RIMS2: variants seen among roughly 807,000 people sequenced by gnomAD.
The protein encoded by RIMS2 is regulating synaptic membrane exocytosis protein 2.
A neutral mutation model predicts 174.4 loss-of-function variants in RIMS2; 59 were observed. The observed-to-expected ratio is 0.34, with a 90% CI of 0.27 to 0.42. The LOEUF is 0.42. Among genes scored for constraint, RIMS2 ranks in the 10% least tolerant of loss-of-function variants. RIMS2 has a pLI of 1.00. For missense variants in RIMS2, 1,620 were observed against 1,666.3 expected (o/e 0.97, Z 0.48); for synonymous variants, 606 against 572.5 (o/e 1.06, Z -0.84).
chr8:103,778,073 A>T (rs2098338156), intron 3 of RIMS2, among the ~76,000 whole-genome samples: 1 of 152,006 alleles, frequency 6.6e-6, no homozygotes, highest in Non-Finnish European at 1.5e-5. Flanking sequence ...TTTTCTTCAT[A>T]GGTTAGAAGT....
rs538667017 is a variant in RIMS2, at chr8:103,615,642, A to G, written c.177-81444A>G. Among the ~76,000 whole-genome samples, 24 of 152,158 alleles carry G rather than the reference A, an allele frequency of 1.6e-4. 2 individuals are homozygous for G. The South Asian group carries it at 5.0e-3, about 32-fold the overall frequency. On this transcript the variant is annotated intron_variant, in intron 1 of 23. Transcript: ENST00000504942. ...ATAGGCCACTAGCTAGACTAATAAG[A>G]AAAGAGAGAACATCCAAATAAACAC...
intron 3 of RIMS2, among the ~76,000 whole-genome samples, chr8:103,876,791 A>G (rs2099139438): frequency 6.9e-6 from 1 of 144,906 alleles, no homozygotes; most frequent in South Asian, 2.2e-4. Flanking sequence ...TTTGTGGCTG[A>G]GTAGTATTCC....
intron 19 of RIMS2, among the ~76,000 whole-genome samples, chr8:104,218,872 T>A (rs1453776718): frequency 6.6e-6 from 1 of 152,182 alleles, no homozygotes; most frequent in Non-Finnish European, 1.5e-5. Flanking sequence ...GCTTACATCA[T>A]TTGTAGCATA....
chr8:103,593,721 G>T (rs1239576583), intron 1 of RIMS2, among the ~76,000 whole-genome samples: 1 of 151,142 alleles, frequency 6.6e-6, no homozygotes, highest in Admixed American at 6.6e-5. Context: ...AATCTTTTGA[G>T]AAATGTGATT....
At chr8:103,550,264 C>A (rs1847124184) in intron 1 of RIMS2, among the ~76,000 whole-genome samples, 1 of 152,180 alleles carries the variant, frequency 6.6e-6, no homozygotes, top group South Asian at 2.1e-4. Context: ...GTCTCTCAGA[C>A]CACAGTGCAA....
intron 1 of RIMS2, among the ~76,000 whole-genome samples, chr8:103,560,376 T>TA (rs2091393854): frequency 6.6e-6 from 1 of 151,812 alleles, no homozygotes; most frequent in Non-Finnish European, 1.5e-5. Context: ...AAACTCTGTC[T>TA]AAAAAAAGAA....
intron 1 of RIMS2, among the ~76,000 whole-genome samples, chr8:103,516,971 TTTTGA>T (rs1401281127): frequency 6.6e-6 from 1 of 152,180 alleles, no homozygotes; most frequent in African/African-American, 2.4e-5. Flanking sequence ...TAATGATTGT[TTTTGA>T]TTTAAGTATT....
intron 3 of RIMS2, among the ~76,000 whole-genome samples, chr8:103,839,850 T>C (rs934537491): frequency 6.6e-6 from 1 of 152,222 alleles, no homozygotes; most frequent in African/African-American, 2.4e-5. Flanking sequence ...TCTATGAATA[T>C]GTAGCGCAAA....
intron 19 of RIMS2, among the ~76,000 whole-genome samples, chr8:104,138,225 G>A (rs2098537456): frequency 6.6e-6 from 1 of 151,968 alleles, no homozygotes; most frequent in African/African-American, 2.4e-5. Context: ...TCCAAATCTT[G>A]GCTGTCATGA....
At chr8:103,783,398 C>T (rs1312440439) in intron 3 of RIMS2, among the ~76,000 whole-genome samples, 9 of 150,366 alleles carry the variant, frequency 6.0e-5, no homozygotes, top group Non-Finnish European at 1.0e-4. Context: ...TTAGGTATAT[C>T]TCCCAATGCT....
At chr8:103,866,392 T>A (rs1047257598) in intron 3 of RIMS2, among the ~76,000 whole-genome samples, 20 of 152,164 alleles carry the variant, frequency 1.3e-4, no homozygotes, top group Non-Finnish European at 2.9e-4. Context: ...ATAAAACAAT[T>A]ACTTGAATCT....
Position 104,187,094 on chromosome 8 carries a change from A to T in RIMS2, c.3335-57822A>T, listed in dbSNP as rs1027077728. 7.2e-5 allele frequency among the ~76,000 whole-genome samples: 11 copies of T among 151,948 alleles called. No individual in the cohort carries two copies. In the East Asian group the frequency reaches 2.1e-3, roughly 29 times the overall value. On this transcript the variant is annotated intron_variant, in intron 19 of 23. Transcript: ENST00000504942. Reference sequence around the variant, plus strand: ...TCAAATCTCAAGTTATATGATTTTAATATACTTTGTCTTAGAAGCAGTCAA... The same window carrying T: ...TCAAATCTCAAGTTATATGATTTTATTATACTTTGTCTTAGAAGCAGTCAA...
chr8:103,550,268 A>G (rs1847127393), intron 1 of RIMS2, among the ~76,000 whole-genome samples: 2 of 152,246 alleles, frequency 1.3e-5, no homozygotes, highest in Non-Finnish European at 2.9e-5. Flanking sequence ...CTCAGACCAC[A>G]GTGCAATCAA....
chr8:103,587,428 GAAA>G (rs2133136482), intron 1 of RIMS2, among the ~76,000 whole-genome samples: 1 of 117,140 alleles, frequency 8.5e-6, no homozygotes, highest in African/African-American at 3.3e-5. Flanking sequence ...AAGAAAGAAA[GAAA>G]GAAAGAAAGA....
intron 19 of RIMS2, among the ~76,000 whole-genome samples, chr8:104,129,639 G>A (rs2098458887): frequency 6.6e-6 from 1 of 152,150 alleles, no homozygotes; most frequent in Non-Finnish European, 1.5e-5. Context: ...GGACTGTTGT[G>A]AAACATACAG....
rs143223457 is a variant in RIMS2, at chr8:103,515,055, C to T, written c.176+13993C>T. 6.0e-4 allele frequency among the ~76,000 whole-genome samples: 92 copies of T among 152,156 alleles called. 3 individuals are homozygous for T. In the East Asian group the frequency reaches 0.016, roughly 27 times the overall value. Reference sequence around the variant, plus strand: ...AATTTTACTTCAAAGCTAGTAATATCCTTTAACTCATGTCCTTTTCTTTCA... The same window carrying T: ...AATTTTACTTCAAAGCTAGTAATATTCTTTAACTCATGTCCTTTTCTTTCA... On this transcript the variant is annotated intron_variant, in intron 1 of 23. Transcript: ENST00000504942.
intron 17 of RIMS2, among the ~76,000 whole-genome samples, chr8:103,992,322 C>T (rs191222487): frequency 0.01 from 1,121 of 110,454 alleles, 5 homozygotes; most frequent in Non-Finnish European, 0.015. Context: ...AACGGGGTTT[C>T]GCCATGTTGG....
At chr8:103,833,340 T>C (rs1032826004) in intron 3 of RIMS2, among the ~76,000 whole-genome samples, 1 of 152,156 alleles carries the variant, frequency 6.6e-6, no homozygotes, top group Non-Finnish European at 1.5e-5. Context: ...TGCTTACATG[T>C]GTGTTTTTAT....
chr8:103,631,336 A>T (rs1421521779), intron 1 of RIMS2, among the ~76,000 whole-genome samples: 1 of 152,170 alleles, frequency 6.6e-6, no homozygotes, highest in Non-Finnish European at 1.5e-5. Flanking sequence ...TCCTGCTTCA[A>T]TCTTCTGCTT....
Sources: gnomAD v4.1 joint callset for allele counts (sites outside exome capture counted in the v4.1 genomes callset) on GRCh38, gnomAD v4.1.1 for gene constraint, MANE v1.5 for transcripts, NCBI Gene and HGNC (gene_info 2026-07-23, HGNC 2026-07-21) for gene names.